The following TMEM232 variants were observed in gnomAD, a reference collection of about 807,000 sequenced individuals.
The protein encoded by TMEM232 is transmembrane protein 232.
Under a neutral mutation model 78.8 loss-of-function variants are expected in TMEM232, and 80 were observed. The observed-to-expected ratio is 1.01, with a 90% confidence interval of 0.85 to 1.22. The LOEUF (loss-of-function observed/expected upper bound fraction) is 1.22. TMEM232 is among the 50% of genes most tolerant of loss of function. The pLI is 0.00. For synonymous variants in TMEM232, 297 were observed against 254.3 expected (o/e 1.17, Z -1.60); for missense variants, 881 against 742.2 (o/e 1.19, Z -2.17).
intron 2 of TMEM232, among the ~76,000 whole-genome samples, chr5:110,652,567 G>A (rs1788487265): frequency 6.6e-6 from 1 of 152,116 alleles, no homozygotes; most frequent in Non-Finnish European, 1.5e-5. Context: ...AACATGGAAA[G>A]CTAATTATTT....
At chr5:110,415,550 T>G (rs1756171697), downstream of TMEM232, among the ~76,000 whole-genome samples, 1 of 151,832 alleles carries the variant, frequency 6.6e-6, no homozygotes, top group African/African-American at 2.4e-5. Context: ...TTTCCTTCCT[T>G]AAGACATGCC....
At chr5:110,481,496 A>T (rs935864269) in intron 12 of TMEM232, among the ~76,000 whole-genome samples, 2 of 152,072 alleles carry the variant, frequency 1.3e-5, no homozygotes, top group African/African-American at 4.8e-5. Flanking sequence ...TTTATTAGCA[A>T]ATCCCTGAAA....
chr5:110,712,955 A>G (rs533546935), intron 1 of TMEM232, among the ~76,000 whole-genome samples: 7 of 152,266 alleles, frequency 4.6e-5, no homozygotes, highest in African/African-American at 1.7e-4. Context: ...AGATATCTGC[A>G]CTCTCATGTT....
intron 11 of TMEM232, among the ~76,000 whole-genome samples, chr5:110,559,964 G>A (rs1192193453): frequency 2.6e-5 from 4 of 152,036 alleles, no homozygotes; most frequent in Non-Finnish European, 2.9e-5. Flanking sequence ...TTGTTTTCAC[G>A]ATTGCCTTCT....
chr5:110,728,765 G>T (rs1798393463), upstream of TMEM232, among the ~76,000 whole-genome samples: 1 of 149,354 alleles, frequency 6.7e-6, no homozygotes, highest in African/African-American at 2.5e-5. Flanking sequence ...AGGAAAATAA[G>T]CATGTCAAAA....
intron 11 of TMEM232, among the ~76,000 whole-genome samples, chr5:110,531,186 A>G (rs1269510564): frequency 3.3e-5 from 5 of 150,148 alleles, no homozygotes; most frequent in African/African-American, 1.2e-4. Context: ...TTTTTCCTTT[A>G]CCTACCCAAA....
At chr5:110,629,701 TA>T in intron 5 of TMEM232, among the ~76,000 whole-genome samples, 1 of 152,272 alleles carries the variant, frequency 6.6e-6, no homozygotes, top group Middle Eastern at 3.4e-3. Flanking sequence ...GAAGGCTGGA[TA>T]ATATTTATCA....
intron 12 of TMEM232, among the ~76,000 whole-genome samples, chr5:110,435,246 T>C (rs1010716511): frequency 6.6e-6 from 1 of 151,816 alleles, no homozygotes; most frequent in Non-Finnish European, 1.5e-5. Flanking sequence ...ATAAAATCAA[T>C]GCACAAAAAT....
intron 11 of TMEM232, among the ~76,000 whole-genome samples, chr5:110,566,432 CT>C (rs1296707520): frequency 6.6e-6 from 1 of 151,856 alleles, no homozygotes; most frequent in Non-Finnish European, 1.5e-5. Flanking sequence ...ATTTTTCAAA[CT>C]TTTATGCTCT....
intron 1 of TMEM232, among the ~76,000 whole-genome samples, chr5:110,686,488 C>G (rs1793424175): frequency 6.6e-6 from 1 of 151,884 alleles, no homozygotes; most frequent in Admixed American, 6.6e-5. Flanking sequence ...GACATCAAAC[C>G]ACATCCTGTG....
chr5:110,543,881 T>C (rs1455088421), intron 11 of TMEM232, among the ~76,000 whole-genome samples: 1 of 152,232 alleles, frequency 6.6e-6, no homozygotes, highest in Non-Finnish European at 1.5e-5. Context: ...TCTTCTATAG[T>C]TATCTTCCTT....
chr5:110,547,073 T>C lies in TMEM232; in HGVS notation c.1456-18238A>G, dbSNP rs574090901. Among the ~76,000 whole-genome samples, 263 of 152,130 alleles carry C rather than the reference T, an allele frequency of 1.7e-3. 1 individual carries two copies. The highest frequency in any genetic ancestry group is 3.4e-3 in the Middle Eastern group (1 of 294). On this transcript the variant is annotated intron_variant, in intron 11 of 13. Transcript: ENST00000455884. Reference sequence around the variant, plus strand: ...TGCTTAATTCAACTTAAATAGAACATATTCTGACTGTTTTAGGTAAGAAAA... The same window carrying C: ...TGCTTAATTCAACTTAAATAGAACACATTCTGACTGTTTTAGGTAAGAAAA...
intron 12 of TMEM232, among the ~76,000 whole-genome samples, chr5:110,456,791 A>C (rs1444586428): frequency 6.6e-5 from 10 of 152,094 alleles, no homozygotes; most frequent in Admixed American, 6.5e-4. Context: ...CTCTTAAAAC[A>C]AATGGTGCTG....
chr5:110,623,855 T>A (rs892176334), intron 7 of TMEM232, among the ~76,000 whole-genome samples: 1 of 152,180 alleles, frequency 6.6e-6, no homozygotes, highest in African/African-American at 2.4e-5. Flanking sequence ...TTAGAAGAGA[T>A]TGAATCTAAG....
chr5:110,661,075 A>T (rs1432649270), intron 2 of TMEM232, among the ~76,000 whole-genome samples: 3 of 152,224 alleles, frequency 2.0e-5, no homozygotes, highest in Admixed American at 1.3e-4. Context: ...CATGTGAGTG[A>T]CAATAGCGGT....
chr5:110,612,473 A>C (rs923578864), intron 8 of TMEM232, among the ~76,000 whole-genome samples: 2 of 152,182 alleles, frequency 1.3e-5, no homozygotes, highest in African/African-American at 4.8e-5. Flanking sequence ...GTACTGATGC[A>C]AACTTTTGTT....
In TMEM232 at chr5:110,667,222, G is replaced by A; in HGVS notation, c.125+6C>T. 6.5e-7 allele frequency: 1 copy of A among 1,537,666 alleles called. No individual in the cohort carries two copies. The highest frequency in any genetic ancestry group is 8.8e-7 in the Non-Finnish European group (1 of 1,139,592). On this transcript the variant is annotated splice_donor_region_variant and intron_variant, in intron 2 of 13. Coordinates refer to ENST00000455884, the MANE Select transcript of TMEM232 (RefSeq NM_001039763.4). The stretch of plus-strand genomic sequence containing the variant: ...ATATGGGTCCTATAATTATTTTCTA[G>A]CTTACCTTGATTTATGACCCCTTTC...
chr5:110,627,536 T>G (rs1784577556), intron 6 of TMEM232, among the ~76,000 whole-genome samples: 1 of 151,808 alleles, frequency 6.6e-6, no homozygotes, highest in African/African-American at 2.4e-5. Flanking sequence ...TTTTCAAAAT[T>G]GCCGGAAAAA....
In TMEM232 at chr5:110,423,550, A is replaced by G. The variant is rs116330284; in HGVS notation, c.1797+1273T>C. Among the ~76,000 whole-genome samples the G allele has an allele frequency of 8.6e-3, 1,317 of 152,292 alleles. 20 individuals carry two copies. Among genetic ancestry groups the G allele is most frequent in the African/African-American group, 0.03 (1,237 of 41,562 alleles). On this transcript the variant is annotated intron_variant, in intron 13 of 13. Coordinates refer to ENST00000455884, the MANE Select transcript of TMEM232 (RefSeq NM_001039763.4). ...TTATTAGGCTAGCCGCACATCAAAC[A>G]ATTTGGATCTATAAGTTTTCAAGCA...
Sources: allele counts gnomAD v4.1 joint callset (sites outside exome capture counted in the v4.1 genomes callset), GRCh38; gene constraint gnomAD v4.1.1; transcripts MANE v1.5; gene names NCBI Gene and HGNC (gene_info 2026-07-23, HGNC 2026-07-21).